Variants in DLG2 observed in about 807,000 individuals in gnomAD.
The protein encoded by DLG2 is discs large MAGUK scaffold protein 2.
Under a neutral mutation model 132.5 loss-of-function variants are expected in DLG2, and 45 were observed. The ratio of observed to expected loss-of-function variants is 0.34; its 90% CI spans 0.27 to 0.44. The LOEUF (loss-of-function observed/expected upper bound fraction) is 0.44. DLG2 is among the 20% of genes least tolerant of loss of function. The pLI is 1.00. For missense variants in DLG2, 1,045 were observed against 1,196.9 expected, an observed-to-expected ratio of 0.87 and a Z score of 1.87; for synonymous variants, 424 against 419.6, an observed-to-expected ratio of 1.01 and a Z score of -0.13.
Position 83,939,649 on chromosome 11 carries a change from T to C in DLG2, c.1341-9166A>G, listed in dbSNP as rs141225928. Among the ~76,000 whole-genome samples, 440 of 152,308 alleles carry C rather than the reference T, an allele frequency of 2.9e-3. 7 individuals are homozygous for C. The highest frequency in any genetic ancestry group is 0.026 in the Admixed American group (393 of 15,300). On this transcript the variant is annotated intron_variant, in intron 14 of 27. Coordinates refer to ENST00000376104, the MANE Select transcript of DLG2 (RefSeq NM_001142699.3). Reference sequence around the variant, plus strand: ...CTCGGAGGCTCGAGGATGATTGACATTAGTAACACCTAAAGTTGCCAAATC... The same window carrying C: ...CTCGGAGGCTCGAGGATGATTGACACTAGTAACACCTAAAGTTGCCAAATC...
intron 19 of DLG2, among the ~76,000 whole-genome samples, chr11:83,607,170 G>C (rs997905949): frequency 6.6e-6 from 1 of 152,174 alleles, no homozygotes; most frequent in Non-Finnish European, 1.5e-5. Context: ...ATTTGAACAC[G>C]GTTTGGATAG....
chr11:84,397,652 G>A (rs1289604323), intron 7 of DLG2, among the ~76,000 whole-genome samples: 2 of 152,194 alleles, frequency 1.3e-5, no homozygotes, highest in Admixed American at 1.3e-4. Context: ...CAGCCCTATC[G>A]CCAACTCAGT....
chr11:84,237,208 G>A (rs1818051690), intron 8 of DLG2, among the ~76,000 whole-genome samples: 1 of 152,092 alleles, frequency 6.6e-6, no homozygotes, highest in Non-Finnish European at 1.5e-5. Flanking sequence ...GATTACAGGT[G>A]TGAGCCACTG....
chr11:83,790,732 G>A, intron 17 of DLG2: 1 of 769,888 alleles, frequency 1.3e-6, no homozygotes, highest in Middle Eastern at 2.3e-4. Context: ...TTCATGGACT[G>A]ATCCACAAAG....
At chr11:83,469,173 G>A in intron 25 of DLG2, 28 bp downstream of exon 25, 1 of 1,516,864 alleles carries the variant, frequency 6.6e-7, no homozygotes, top group Non-Finnish European at 8.8e-7. Flanking sequence ...CTTCTTCAGG[G>A]GAGGTGTAAG....
intron 6 of DLG2, among the ~76,000 whole-genome samples, chr11:84,843,823 T>A (rs910057166): frequency 6.6e-6 from 1 of 151,658 alleles, no homozygotes; most frequent in Non-Finnish European, 1.5e-5. Flanking sequence ...TCACAGCAGG[T>A]TGAATCCATG....
chr11:84,174,400 C>T (rs751257606), intron 8 of DLG2, among the ~76,000 whole-genome samples: 1 of 152,040 alleles, frequency 6.6e-6, no homozygotes, highest in Non-Finnish European at 1.5e-5. Flanking sequence ...ACATTTCATA[C>T]CATCCACCAG....
chr11:85,034,238 C>A (rs981936804), intron 6 of DLG2, among the ~76,000 whole-genome samples: 1 of 151,866 alleles, frequency 6.6e-6, no homozygotes. Context: ...CCACCATGCC[C>A]GGCTAATTTT....
chr11:85,546,887 C>A (rs2153217603), intron 3 of DLG2, among the ~76,000 whole-genome samples: 1 of 146,026 alleles, frequency 6.8e-6, no homozygotes, highest in African/African-American at 2.6e-5. Context: ...TTATTTTCAG[C>A]CTATGTGTGT....
chr11:85,227,806 CTCTG>C (rs1052470995), intron 4 of DLG2, among the ~76,000 whole-genome samples: 3 of 152,026 alleles, frequency 2.0e-5, no homozygotes, highest in Non-Finnish European at 4.4e-5. Context: ...TCTGCTACTA[CTCTG>C]TCTATCTCTT....
At chr11:85,529,987 G>GTT (rs59507021) in intron 3 of DLG2, among the ~76,000 whole-genome samples, 14,873 of 112,978 alleles carry the variant, frequency 0.13, 1,272 homozygotes, top group East Asian at 0.28. Flanking sequence ...GAGAGGGTTT[G>GTT]TTTTTTTTTT....
intron 21 of DLG2, among the ~76,000 whole-genome samples, chr11:83,494,061 A>G (rs780833347): frequency 1.5e-4 from 23 of 152,120 alleles, no homozygotes; most frequent in Non-Finnish European, 2.8e-4. Flanking sequence ...TTTATGAACT[A>G]AAGAGACCTG....
At chr11:84,792,664 C>T (rs1479330443) in intron 6 of DLG2, among the ~76,000 whole-genome samples, 1 of 151,982 alleles carries the variant, frequency 6.6e-6, no homozygotes, top group Admixed American at 6.6e-5. Flanking sequence ...TTCTATGTGT[C>T]TAGGAATGTA....
intron 7 of DLG2, among the ~76,000 whole-genome samples, chr11:84,410,996 A>T (rs1243278610): frequency 6.6e-6 from 1 of 152,192 alleles, no homozygotes; most frequent in Non-Finnish European, 1.5e-5. Flanking sequence ...AAAAACAGTG[A>T]CTGCTAATTT....
chr11:85,035,250 A>G (rs537213159), intron 6 of DLG2, among the ~76,000 whole-genome samples: 39 of 152,340 alleles, frequency 2.6e-4, no homozygotes, highest in African/African-American at 9.4e-4. Flanking sequence ...CAGATAGAAG[A>G]TGGAAATGGG....
At chr11:84,200,623 T>C (rs1451512268) in intron 8 of DLG2, among the ~76,000 whole-genome samples, 1 of 152,228 alleles carries the variant, frequency 6.6e-6, no homozygotes, top group African/African-American at 2.4e-5. Flanking sequence ...CTGATTTCTT[T>C]GAGCAGTGGT....
intron 3 of DLG2, among the ~76,000 whole-genome samples, chr11:85,408,694 A>C (rs909828078): frequency 2.7e-5 from 4 of 150,704 alleles, no homozygotes; most frequent in African/African-American, 9.8e-5. Flanking sequence ...ATGATTTCCA[A>C]TTTCATCCAT....
At chr11:85,565,723 G>GA (rs1401396902) in intron 3 of DLG2, among the ~76,000 whole-genome samples, 2 of 152,082 alleles carry the variant, frequency 1.3e-5, no homozygotes, top group African/African-American at 4.8e-5. Context: ...ACTCCACTGT[G>GA]AAAATACCAC....
At chr11:83,773,076 G>A (rs1370947335) in intron 18 of DLG2, among the ~76,000 whole-genome samples, 1 of 152,164 alleles carries the variant, frequency 6.6e-6, no homozygotes. Context: ...CTTATGGAAA[G>A]CCTGATAATT....
Sources: gnomAD v4.1 joint callset for allele counts (sites outside exome capture counted in the v4.1 genomes callset) on GRCh38, gnomAD v4.1.1 for gene constraint, MANE v1.5 for transcripts, NCBI Gene and HGNC (gene_info 2026-07-23, HGNC 2026-07-21) for gene names.